The following PLSCR2 variants were observed in gnomAD, a reference collection of about 807,000 sequenced individuals.
PLSCR2 encodes the protein PL scramblase 2.
A neutral mutation model predicts 25.3 loss-of-function variants in PLSCR2; 18 were observed. The ratio of observed to expected loss-of-function variants is 0.71; its 90% CI spans 0.49 to 1.06. The LOEUF (loss-of-function observed/expected upper bound fraction) is 1.06, where lower values mean the gene tolerates loss of function less well. PLSCR2 is among the 50% of genes least tolerant of loss of function. PLSCR2 has a pLI of 0.00. For missense variants in PLSCR2, 243 were observed against 269.5 expected, an observed-to-expected ratio of 0.90 and a Z score of 0.69; for synonymous variants, 88 against 87.3, an observed-to-expected ratio of 1.01 and a Z score of -0.04.
intron 5 of PLSCR2, among the ~76,000 whole-genome samples, chr3:146,451,795 A>G (rs1252367877): frequency 1.3e-5 from 2 of 152,146 alleles, no homozygotes; most frequent in Admixed American, 6.5e-5. Context: ...AGAACTCTAA[A>G]CAACAGGTTC....
chr3:146,468,189 T>C (rs2041951188), intron 1 of PLSCR2, among the ~76,000 whole-genome samples: 1 of 152,228 alleles, frequency 6.6e-6, no homozygotes, highest in Non-Finnish European at 1.5e-5. Flanking sequence ...CACTTGTCTA[T>C]CCAACTGCAG....
intron 2 of PLSCR2, among the ~76,000 whole-genome samples, chr3:146,424,571 C>T (rs146419381): frequency 3.4e-4 from 52 of 152,172 alleles, no homozygotes; most frequent in African/African-American, 1.2e-3. Flanking sequence ...AATCTTGGTA[C>T]GGGAATCACA....
intron 5 of PLSCR2, among the ~76,000 whole-genome samples, chr3:146,450,788 T>C (rs895431967): frequency 6.6e-6 from 1 of 152,214 alleles, no homozygotes; most frequent in Non-Finnish European, 1.5e-5. Context: ...CTAGCTACCA[T>C]AAACCTACTA....
upstream of PLSCR2, among the ~76,000 whole-genome samples, chr3:146,460,491 C>T (rs2041508335): frequency 6.6e-6 from 1 of 150,504 alleles, no homozygotes; most frequent in Admixed American, 6.6e-5. Flanking sequence ...TCAGCATTCC[C>T]AGAGCCAAAG....
At chr3:146,400,530 T>C (rs1263330669) in intron 2 of PLSCR2, among the ~76,000 whole-genome samples, 2 of 151,622 alleles carry the variant, frequency 1.3e-5, no homozygotes, top group Non-Finnish European at 3.0e-5. Context: ...AGCAGAAGAT[T>C]CAATATTAAT....
At chr3:146,478,341 T>C (rs2042997860) in intron 1 of PLSCR2, among the ~76,000 whole-genome samples, 1 of 152,122 alleles carries the variant, frequency 6.6e-6, no homozygotes, top group South Asian at 2.1e-4. Context: ...AATAAAAACC[T>C]TGATAAAATG....
At chr3:146,481,076 C>T (rs530054172) in intron 1 of PLSCR2, among the ~76,000 whole-genome samples, 9 of 152,008 alleles carry the variant, frequency 5.9e-5, no homozygotes, top group South Asian at 4.1e-4. Context: ...ATTGATGGTA[C>T]GTATCTCAAA....
intron 1 of PLSCR2, among the ~76,000 whole-genome samples, chr3:146,480,649 G>C (rs551203231): frequency 1.4e-5 from 1 of 69,746 alleles, no homozygotes; most frequent in Non-Finnish European, 3.1e-5. Flanking sequence ...GAATTCTACC[G>C]AGGTACAAAG....
At chr3:146,481,176 A>T (rs1219527424) in intron 1 of PLSCR2, among the ~76,000 whole-genome samples, 1 of 152,194 alleles carries the variant, frequency 6.6e-6, no homozygotes, top group East Asian at 1.9e-4. Flanking sequence ...CTGGCACAAG[A>T]CAATGATGCC....
chr3:146,413,820 G>T (rs1399965230), intron 2 of PLSCR2, among the ~76,000 whole-genome samples: 1 of 152,092 alleles, frequency 6.6e-6, no homozygotes, highest in East Asian at 1.9e-4. Flanking sequence ...CCTTTTTCTA[G>T]CTTGCTTCTC....
intron 2 of PLSCR2, among the ~76,000 whole-genome samples, chr3:146,403,678 T>C (rs2038556006): frequency 6.6e-6 from 1 of 152,216 alleles, no homozygotes; most frequent in African/African-American, 2.4e-5. Context: ...TTAAGTATTG[T>C]CTTAGTTTTT....
chr3:146,475,511 A>G (rs891839095), intron 1 of PLSCR2, among the ~76,000 whole-genome samples: 35 of 151,858 alleles, frequency 2.3e-4, no homozygotes, highest in African/African-American at 7.7e-4. Flanking sequence ...TAATATGACA[A>G]CTCTGGAAAC....
intron 1 of PLSCR2, chr3:146,495,883 G>C: frequency 6.5e-7 from 1 of 1,532,962 alleles, no homozygotes; most frequent in Non-Finnish European, 8.7e-7. Flanking sequence ...GAAACTACAT[G>C]TCATTGGCTA....
chr3:146,465,241 G>A (rs1193112907), upstream of PLSCR2, among the ~76,000 whole-genome samples: 1 of 151,998 alleles, frequency 6.6e-6, no homozygotes, highest in African/African-American at 2.4e-5. Context: ...CTGCAATGCC[G>A]CATGTAGCAT....
At chr3:146,397,361 CCTTTAATA>C (rs1480606492) in intron 2 of PLSCR2, among the ~76,000 whole-genome samples, 2 of 152,040 alleles carry the variant, frequency 1.3e-5, no homozygotes, top group Non-Finnish European at 2.9e-5. Context: ...GTATCACTTA[CCTTTAATA>C]CTGAGATTTG....
At chr3:146,431,887 T>C (rs1333988698), downstream of PLSCR2, among the ~76,000 whole-genome samples, 1 of 152,062 alleles carries the variant, frequency 6.6e-6, no homozygotes, top group Non-Finnish European at 1.5e-5. Context: ...AAGACTTTAT[T>C]ATCTTCTTTC....
At chr3:146,447,076 C>G (rs1273908517) in intron 6 of PLSCR2, among the ~76,000 whole-genome samples, 1 of 152,170 alleles carries the variant, frequency 6.6e-6, no homozygotes, top group Non-Finnish European at 1.5e-5. Context: ...TCCTGAATAT[C>G]TCCCTTCATG....
chr3:146,401,338 GA>G (rs2038470039), intron 2 of PLSCR2: 1 of 152,460 alleles, frequency 6.6e-6, no homozygotes, highest in Non-Finnish European at 1.5e-5. Flanking sequence ...TTTTTGATAT[GA>G]TGGTATAAAT....
At chr3:146,459,807 G>GTTTT in intron 2 of PLSCR2, 41 bp downstream of exon 2, 8 of 1,167,026 alleles carry the variant, frequency 6.9e-6, no homozygotes, top group East Asian at 2.6e-5. Context: ...CAGAAAGAGA[G>GTTTT]TTTTTTTTTT....
Sources: gnomAD v4.1 joint callset for allele counts (sites outside exome capture counted in the v4.1 genomes callset) on GRCh38, gnomAD v4.1.1 for gene constraint, MANE v1.5 for transcripts, NCBI Gene and HGNC (gene_info 2026-07-23, HGNC 2026-07-21) for gene names.